Variants in DSCAM observed in about 807,000 individuals in gnomAD.
DSCAM encodes DS cell adhesion molecule.
Under a neutral mutation model 217.7 loss-of-function variants are expected in DSCAM, and 47 were observed. That is an observed-to-expected ratio of 0.22 (90% CI 0.17 to 0.28). The LOEUF is 0.28. Among genes scored for constraint, DSCAM ranks in the 10% least tolerant of loss-of-function variants. DSCAM has a pLI of 1.00. For missense variants in DSCAM, 2,080 were observed against 2,618.3 expected, an observed-to-expected ratio of 0.79 and a Z score of 4.49; for synonymous variants, 1,056 against 1,015.3, an observed-to-expected ratio of 1.04 and a Z score of -0.76.
At chr21:40,373,019 C>G (rs540653256) in intron 3 of DSCAM, among the ~76,000 whole-genome samples, 1 of 152,218 alleles carries the variant, frequency 6.6e-6, no homozygotes, top group Non-Finnish European at 1.5e-5. Context: ...GTTGCAGAAA[C>G]CCTCAGATTT....
In DSCAM at chr21:40,042,424, G is replaced by C. The variant is rs1384788402; in HGVS notation, c.5633C>G (p.Pro1878Arg). 7 of 1,614,206 alleles carry C rather than the reference G, an allele frequency of 4.3e-6. No individual in the cohort carries two copies. Among genetic ancestry groups the C allele is most frequent in the Non-Finnish European group, 5.9e-6 (7 of 1,180,040 alleles). Residue 1878 changes from proline (P) to arginine (R), a missense_variant, in exon 32 of 33, where the codon CCT (proline) becomes CGT (arginine). Pro to Arg is a moderately radical substitution (Grantham distance 103, BLOSUM62 -2). This residue lies in a region of DSCAM where 1,144 missense variants were observed against 1,421.1 expected (regional missense o/e 0.81). Coordinates refer to ENST00000400454, the MANE Select transcript of DSCAM (RefSeq NM_001389.5). ...ATTCATTACTCTTCCTCCATCCTGAGGTTTGGGGGGAGATGCAGTGAACCT... is the reference window on the plus strand; with the variant it reads ...ATTCATTACTCTTCCTCCATCCTGACGTTTGGGGGGAGATGCAGTGAACCT... ...ICRFTASPPK[P>R]QDGGRVMNMA...
chr21:40,140,934 CG>C (rs34586498), intron 18 of DSCAM, among the ~76,000 whole-genome samples: 91,008 of 149,352 alleles, frequency 0.61, 27,723 homozygotes, highest in South Asian at 0.64. Context: ...CCAAGGAGGG[CG>C]GGGGGGGGTC....
intron 11 of DSCAM, among the ~76,000 whole-genome samples, chr21:40,271,616 C>G (rs1341962145): frequency 6.6e-6 from 1 of 152,160 alleles, no homozygotes. Flanking sequence ...AGAGAAAAGT[C>G]AAGCTGGGAA....
chr21:40,423,015 C>A (rs545621802), intron 3 of DSCAM, among the ~76,000 whole-genome samples: 1 of 152,132 alleles, frequency 6.6e-6, no homozygotes, highest in African/African-American at 2.4e-5. Context: ...GTAATAAGTA[C>A]CATTTGTCAC....
At chr21:40,659,148 A>T (rs904679315) in intron 3 of DSCAM, among the ~76,000 whole-genome samples, 5 of 152,196 alleles carry the variant, frequency 3.3e-5, no homozygotes, top group African/African-American at 1.2e-4. Flanking sequence ...GTCAAAAAAA[A>T]TAGTCGTGTT....
chr21:40,571,103 G>A (rs563665218), intron 3 of DSCAM, among the ~76,000 whole-genome samples: 1 of 151,480 alleles, frequency 6.6e-6, no homozygotes, highest in South Asian at 2.1e-4. Flanking sequence ...AAAAAAAATT[G>A]AAAAGAAATC....
At chr21:40,628,699 A>G (rs1403818991) in intron 3 of DSCAM, among the ~76,000 whole-genome samples, 1 of 1,784 alleles carries the variant, frequency 5.6e-4, no homozygotes, top group South Asian at 0.023. Flanking sequence ...CTTGCTATCT[A>G]TCTATCTATC....
Position 40,144,438 on chromosome 21 carries a change from C to T in DSCAM, c.3259+53G>A, listed in dbSNP as rs1326285213. The T allele has an allele frequency of 2.6e-5, 41 of 1,604,064 alleles. No homozygotes were observed. The South Asian group carries it at 3.0e-4, about 12-fold the overall frequency. ...GGTTGGGGGAGCCCCGGGGCAGACC[C>T]GAGGGAACCTTTGCGGAGGGAAAAG... On this transcript the variant is annotated intron_variant, in intron 17 of 32. Transcript: ENST00000400454. The surrounding 1 kb of genome is among the most constrained non-coding windows in gnomAD (Gnocchi z 4.8).
At chr21:40,612,548 T>C (rs1461254702) in intron 3 of DSCAM, among the ~76,000 whole-genome samples, 1 of 152,166 alleles carries the variant, frequency 6.6e-6, no homozygotes, top group Non-Finnish European at 1.5e-5. Flanking sequence ...GCCATTGGTG[T>C]CTACCCAGCA....
At chr21:40,061,040 G>A (rs955337441) in intron 28 of DSCAM, among the ~76,000 whole-genome samples, 3 of 152,190 alleles carry the variant, frequency 2.0e-5, no homozygotes, top group Non-Finnish European at 2.9e-5. Flanking sequence ...CAGGGAATTT[G>A]CATCTTTGCT....
chr21:40,149,884 C>A (rs928390542), intron 16 of DSCAM, among the ~76,000 whole-genome samples: 1 of 151,090 alleles, frequency 6.6e-6, no homozygotes, highest in Non-Finnish European at 1.5e-5. Flanking sequence ...GCCAACATCA[C>A]TATAACGACA....
Position 40,350,521 on chromosome 21 carries a change from T to G in DSCAM, c.935-2576A>C, listed in dbSNP as rs142069069. ...CCCCAGTTGTTCCTAACTTTTCATCTCACCACACTTTGTTTTCAAGGAGCT... is the reference window on the plus strand; with the variant it reads ...CCCCAGTTGTTCCTAACTTTTCATCGCACCACACTTTGTTTTCAAGGAGCT... On this transcript the variant is annotated intron_variant, in intron 5 of 32. Transcript: ENST00000400454. 2.6e-4 allele frequency among the ~76,000 whole-genome samples: 39 copies of G among 152,284 alleles called. 1 individual carries two copies. The East Asian group carries it at 7.3e-3, about 29-fold the overall frequency.
Position 40,682,609 on chromosome 21 carries a change from AAGAAAG to A in DSCAM, c.508+10195_508+10200del, listed in dbSNP as rs1306145579. 2.6e-4 allele frequency among the ~76,000 whole-genome samples: 10 copies of A among 38,854 alleles called. 1 individual carries two copies. Among genetic ancestry groups the A allele is most frequent in the African/African-American group, 4.1e-4 (4 of 9,704 alleles). The allele number at this position is 38,854 out of a possible 152,430, so 25.5% of individuals were successfully genotyped here. A position where few individuals can be genotyped will look rare whatever the true frequency, so the allele number is the denominator to read the frequency against. ...AAAGAGAGAGAGAAAGAGAGAAAGA[AAGAAAG>A]AGAAAGAGAAAGAGAGAGAAAGAAA... On this transcript the variant is annotated intron_variant, in intron 3 of 32. Transcript: ENST00000400454.
chr21:40,162,318 G>A (rs1003723102), intron 16 of DSCAM, among the ~76,000 whole-genome samples: 3 of 152,136 alleles, frequency 2.0e-5, no homozygotes, highest in East Asian at 1.9e-4. Context: ...TGTGCCTGGC[G>A]GGGAGCAAAT....
At chr21:40,186,843 C>T (rs940102033) in intron 14 of DSCAM, among the ~76,000 whole-genome samples, 19 of 152,128 alleles carry the variant, frequency 1.2e-4, no homozygotes, top group African/African-American at 4.6e-4. Flanking sequence ...CTCCATCAGC[C>T]ACTGCCCACA....
chr21:40,721,538 G>A (rs2090901077), intron 1 of DSCAM, among the ~76,000 whole-genome samples: 1 of 152,098 alleles, frequency 6.6e-6, no homozygotes, highest in Non-Finnish European at 1.5e-5. Flanking sequence ...TGAAATGAAA[G>A]TTAGACAAAT....
At chr21:40,101,216 G>C (rs948575862) in intron 20 of DSCAM, among the ~76,000 whole-genome samples, 1 of 152,154 alleles carries the variant, frequency 6.6e-6, no homozygotes, top group Non-Finnish European at 1.5e-5. Flanking sequence ...GGCTAGCTGA[G>C]GAAAAAGCCT....
At chr21:40,147,290 G>A (rs768079146) in intron 16 of DSCAM, among the ~76,000 whole-genome samples, 7 of 152,182 alleles carry the variant, frequency 4.6e-5, no homozygotes, top group Non-Finnish European at 7.3e-5. Flanking sequence ...CCTGCTTGCT[G>A]ACATGTAGTT....
rs572676911 is a variant in DSCAM at position 40,388,034 on chromosome 21, T to A, written c.509-18789A>T. Among the ~76,000 whole-genome samples the A allele has an allele frequency of 2.6e-5, 4 of 152,036 alleles. No homozygotes were observed. In the South Asian group the frequency reaches 8.3e-4, roughly 32 times the overall value. On this transcript the variant is annotated intron_variant, in intron 3 of 32. Coordinates refer to ENST00000400454, the MANE Select transcript of DSCAM (RefSeq NM_001389.5). The stretch of plus-strand genomic sequence containing the variant: ...ACATATGAAAGAAAGGTTAAGAGAC[T>A]TGAAGGAGAGATAGAGGAAATCCAC...
Sources: allele counts gnomAD v4.1 joint callset (sites outside exome capture counted in the v4.1 genomes callset), GRCh38; gene constraint gnomAD v4.1.1; regional missense constraint gnomAD v4.1.1; non-coding constraint Gnocchi (gnomAD v3.1); transcripts MANE v1.5; gene names NCBI Gene and HGNC (gene_info 2026-07-23, HGNC 2026-07-21).